The following TMEM232 variants were observed in gnomAD, a reference collection of about 807,000 sequenced individuals.
TMEM232 encodes transmembrane protein 232.
A neutral mutation model predicts 78.8 loss-of-function variants in TMEM232; 80 were observed. The observed-to-expected ratio is 1.01, with a 90% CI of 0.85 to 1.22. TMEM232 has a LOEUF of 1.22. Among genes scored for constraint, TMEM232 ranks in the 50% most tolerant of loss-of-function variants. TMEM232 has a pLI of 0.00. For synonymous variants in TMEM232, 297 were observed against 254.3 expected, an observed-to-expected ratio of 1.17 and a Z score of -1.60; for missense variants, 881 against 742.2, an observed-to-expected ratio of 1.19 and a Z score of -2.17.
chr5:110,397,600 TAATA>T (rs1329323085), intron 3 of TMEM232, among the ~76,000 whole-genome samples: 4 of 152,188 alleles, frequency 2.6e-5, no homozygotes, highest in African/African-American at 9.6e-5. Context: ...ATGGAACTCA[TAATA>T]AATAACCACA....
At chr5:110,573,669 C>T (rs1429941225) in intron 10 of TMEM232, among the ~76,000 whole-genome samples, 3 of 151,982 alleles carry the variant, frequency 2.0e-5, no homozygotes, top group Non-Finnish European at 2.9e-5. Flanking sequence ...ATATGACCAA[C>T]AATGACTAGA....
At position 110,600,972 on chromosome 5, in the gene TMEM232, C is replaced by T. The variant is rs185577940; in HGVS notation, c.1276+4137G>A. On this transcript the variant is annotated intron_variant, in intron 10 of 13. Transcript: ENST00000455884. ...AGCTGATCCACCACGATCAAGTCAG[C>T]TTCATCCCTGAGATGCAAGGCTGGT... 1.2e-4 allele frequency among the ~76,000 whole-genome samples: 18 copies of T among 152,322 alleles called. No individual in the cohort carries two copies. The East Asian group carries it at 2.7e-3, about 23-fold the overall frequency.
At chr5:110,675,957 C>A (rs1456494190) in intron 1 of TMEM232, among the ~76,000 whole-genome samples, 7 of 152,168 alleles carry the variant, frequency 4.6e-5, no homozygotes, top group African/African-American at 1.7e-4. Flanking sequence ...CAACCATCAT[C>A]CTACTCTCTG....
intron 2 of TMEM232, among the ~76,000 whole-genome samples, chr5:110,404,262 A>G (rs1755707674): frequency 6.6e-6 from 1 of 152,070 alleles, no homozygotes; most frequent in Admixed American, 6.6e-5. Context: ...CTTGCCTCCA[A>G]CATAGTCTCA....
chr5:110,441,700 G>A (rs1187675634), intron 12 of TMEM232, among the ~76,000 whole-genome samples: 1 of 152,100 alleles, frequency 6.6e-6, no homozygotes, highest in Admixed American at 6.5e-5. Flanking sequence ...TTGCCTTACT[G>A]GAGAAGCCTA....
In TMEM232 at chr5:110,625,331, C is replaced by T. The variant is rs61730863; in HGVS notation, c.704G>A (p.Arg235His). 4.9e-3 allele frequency: 7,532 copies of T among 1,546,710 alleles called. 369 individuals carry two copies. In the African/African-American group the frequency reaches 0.092, roughly 19 times the overall value. Residue 235 changes from arginine (R) to histidine (H), a missense_variant, in exon 7 of 14, where the codon CGT becomes CAT. By Grantham distance (29) the Arg-to-His change is conservative. Coordinates refer to ENST00000455884, the MANE Select transcript of TMEM232 (RefSeq NM_001039763.4). ...CACAGGTCTAAAAATGGATTCAGAACGGAGTTCTCTTTTACCTATAATTTC... is the reference window on the plus strand; with the variant it reads ...CACAGGTCTAAAAATGGATTCAGAATGGAGTTCTCTTTTACCTATAATTTC... ...ASEIIGKREL[R>H]SESIFRPVED...
intron 1 of TMEM232, among the ~76,000 whole-genome samples, chr5:110,680,396 CAAAA>C (rs1189611727): frequency 4.1e-5 from 1 of 24,660 alleles, no homozygotes; most frequent in African/African-American, 1.5e-4. Context: ...GACTCTATCT[CAAAA>C]AAAAAAAAAA....
At chr5:110,412,631 G>A (rs1259894895) in intron 2 of TMEM232, among the ~76,000 whole-genome samples, 3 of 151,624 alleles carry the variant, frequency 2.0e-5, no homozygotes, top group African/African-American at 4.8e-5. Flanking sequence ...AAAACTATGT[G>A]TATTTTAATT....
At chr5:110,492,120 G>C (rs985746695) in intron 12 of TMEM232, among the ~76,000 whole-genome samples, 8 of 151,700 alleles carry the variant, frequency 5.3e-5, no homozygotes, top group African/African-American at 1.5e-4. Flanking sequence ...GAGTTAATGG[G>C]TGCAGCACAC....
chr5:110,409,194 A>AT (rs1755901071), intron 2 of TMEM232, among the ~76,000 whole-genome samples: 1 of 152,232 alleles, frequency 6.6e-6, no homozygotes, highest in African/African-American at 2.4e-5. Context: ...TTTCATTAAT[A>AT]TCCCATTTAT....
At chr5:110,669,791 G>C (rs1197262717) in intron 1 of TMEM232, among the ~76,000 whole-genome samples, 3 of 152,220 alleles carry the variant, frequency 2.0e-5, no homozygotes, top group Admixed American at 1.3e-4. Context: ...CCATGATCAA[G>C]TGGGCTTCAT....
At chr5:110,657,384 A>AGT (rs56213934) in intron 2 of TMEM232, among the ~76,000 whole-genome samples, 5,335 of 149,266 alleles carry the variant, frequency 0.036, 224 homozygotes, top group African/African-American at 0.1. Flanking sequence ...TATCTATCTG[A>AGT]GTGTGTGTGT....
intron 10 of TMEM232, among the ~76,000 whole-genome samples, chr5:110,598,184 C>G (rs1490243253): frequency 1.3e-5 from 2 of 152,076 alleles, no homozygotes; most frequent in African/African-American, 4.8e-5. Context: ...ACAACCCCAT[C>G]AAAAAGTGGG....
chr5:110,436,696 C>T (rs999758481), intron 12 of TMEM232, among the ~76,000 whole-genome samples: 12 of 152,130 alleles, frequency 7.9e-5, no homozygotes, highest in Admixed American at 7.9e-4. Context: ...TTTCCCAGCA[C>T]CATTTATTGA....
intron 8 of TMEM232, chr5:110,618,012 T>A (rs911455231): frequency 2.4e-5 from 4 of 168,780 alleles, no homozygotes; most frequent in Middle Eastern, 6.5e-4. Context: ...CCAAAAAAAA[T>A]TTTTTTTTAA....
chr5:110,654,305 C>A (rs1788731546), intron 2 of TMEM232, among the ~76,000 whole-genome samples: 1 of 152,114 alleles, frequency 6.6e-6, no homozygotes, highest in Non-Finnish European at 1.5e-5. Flanking sequence ...AGTCTTTAAT[C>A]CATCTTGAAT....
At chr5:110,729,545 C>A (rs1798474248), upstream of TMEM232, among the ~76,000 whole-genome samples, 1 of 152,126 alleles carries the variant, frequency 6.6e-6, no homozygotes, top group African/African-American at 2.4e-5. Context: ...ACTACAAAAG[C>A]CAAAAACGGC....
chr5:110,410,578 T>C lies in TMEM232; in HGVS notation n.309-12724A>G, dbSNP rs375950550. On this transcript the variant is annotated intron_variant and non_coding_transcript_variant, in intron 2 of 8. Coordinates refer to the TMEM232 transcript ENST00000507188. ...GCTGTCTAAAGTTGGGCAACTTAGTTCTTTTAGACAATGTTGAGAAATCTA... is the reference window on the plus strand; with the variant it reads ...GCTGTCTAAAGTTGGGCAACTTAGTCCTTTTAGACAATGTTGAGAAATCTA... 7.9e-5 allele frequency among the ~76,000 whole-genome samples: 12 copies of C among 152,342 alleles called. 1 individual carries two copies. In the East Asian group the frequency reaches 2.1e-3, roughly 27 times the overall value.
intron 12 of TMEM232, among the ~76,000 whole-genome samples, chr5:110,455,135 T>C (rs1025850521): frequency 2.0e-5 from 3 of 152,152 alleles, no homozygotes; most frequent in Admixed American, 6.5e-5. Context: ...CTTTGATATA[T>C]GTTAAAGGAA....
Sources: gnomAD v4.1 joint callset for allele counts (sites outside exome capture counted in the v4.1 genomes callset) on GRCh38, gnomAD v4.1.1 for gene constraint, MANE v1.5 for transcripts, NCBI Gene and HGNC (gene_info 2026-07-23, HGNC 2026-07-21) for gene names.